Variants in VRK2 observed in about 807,000 individuals in gnomAD.
VRK2 encodes VRK serine/threonine kinase 2, also known as serine/threonine-protein kinase VRK2.
VRK2 carries 60 observed loss-of-function variants against 57.6 expected under a neutral mutation model. That is an observed-to-expected ratio of 1.04 (90% CI 0.85 to 1.29). The LOEUF (loss-of-function observed/expected upper bound fraction) is 1.29. Ranked by LOEUF, VRK2 falls within the 50% of genes most tolerant of loss-of-function variation. The probability of loss-of-function intolerance (pLI) is 0.00; values close to 1 mark genes in which losing one functional copy is unlikely to be tolerated. For synonymous variants in VRK2, 231 were observed against 199.2 expected (o/e 1.16, Z -1.35); for missense variants, 705 against 588.1 (o/e 1.20, Z -2.06).
chr2:58,146,665 T>C (rs1284136069), intron 12 of VRK2, among the ~76,000 whole-genome samples, 191 bp downstream of exon 12: 2 of 151,994 alleles, frequency 1.3e-5, no homozygotes, highest in South Asian at 2.1e-4. Flanking sequence ...AGAAACAGAA[T>C]AGCAGTAAGC....
At chr2:58,117,526 G>A (rs528920713) in intron 7 of VRK2, among the ~76,000 whole-genome samples, 1 of 152,236 alleles carries the variant, frequency 6.6e-6, no homozygotes, top group South Asian at 2.1e-4. Context: ...TTGGGGTTGG[G>A]ACTGAGGGGA....
chr2:58,082,959 A>C (rs976606848), intron 2 of VRK2, among the ~76,000 whole-genome samples: 2 of 151,798 alleles, frequency 1.3e-5, no homozygotes, highest in African/African-American at 4.8e-5. Flanking sequence ...TATATCTAAG[A>C]TGTGAATTAA....
intron 1 of VRK2, among the ~76,000 whole-genome samples, chr2:57,987,261 C>T (rs1271942580): frequency 6.6e-6 from 1 of 152,036 alleles, no homozygotes; most frequent in Non-Finnish European, 1.5e-5. Context: ...AATTATGTAT[C>T]TGATAAAGGA....
chr2:58,075,538 G>A (rs969512868), intron 2 of VRK2, among the ~76,000 whole-genome samples: 17 of 151,998 alleles, frequency 1.1e-4, no homozygotes, highest in Admixed American at 2.0e-4. Context: ...CTGAAACCTC[G>A]CCAACATCTA....
intron 2 of VRK2, among the ~76,000 whole-genome samples, chr2:58,070,606 A>T (rs556341713): frequency 6.6e-6 from 1 of 152,136 alleles, no homozygotes; most frequent in Admixed American, 6.6e-5. Context: ...TTCTTTCACA[A>T]AACTATATGT....
chr2:57,972,432 C>T (rs553490926), intron 1 of VRK2, among the ~76,000 whole-genome samples: 15 of 151,900 alleles, frequency 9.9e-5, no homozygotes, highest in African/African-American at 2.9e-4. Flanking sequence ...AACAGTTACA[C>T]GATAATACCA....
rs746298070 is a variant in VRK2 at position 58,123,125 on chromosome 2, T to G, written c.568T>G (p.Ser190Ala). The G allele has an allele frequency of 7.5e-6, 12 of 1,601,940 alleles. No individual in the cohort carries two copies. In the African/African-American group the frequency reaches 1.5e-4, roughly 20 times the overall value. The stretch of plus-strand genomic sequence containing the variant: ...GGTTTATCTTGCAGATTATGGACTT[T>G]CCTACAGATATTGTCCCAATGGGAA... ...DQVYLADYGL[S>A]YRYCPNGNHK... The change falls in exon 8 of 13, where the codon TCC (serine) becomes GCC (alanine). Residue 190 changes from serine to alanine, a missense_variant. Transcript: ENST00000340157.
intron 1 of VRK2, among the ~76,000 whole-genome samples, chr2:57,919,940 C>T (rs1670285024): frequency 6.6e-6 from 1 of 151,920 alleles, no homozygotes; most frequent in Admixed American, 6.6e-5. Context: ...TCATTCATTC[C>T]TCATTAATAT....
chr2:57,933,132 G>T (rs766608269), intron 1 of VRK2, among the ~76,000 whole-genome samples: 1 of 151,914 alleles, frequency 6.6e-6, no homozygotes, highest in Non-Finnish European at 1.5e-5. Flanking sequence ...TGCCTAAGAA[G>T]AATATGTATT....
At chr2:58,076,298 G>C (rs1318571990) in intron 2 of VRK2, among the ~76,000 whole-genome samples, 1 of 151,832 alleles carries the variant, frequency 6.6e-6, no homozygotes, top group Non-Finnish European at 1.5e-5. Flanking sequence ...AAACATCATA[G>C]TTTACCCTAG....
intron 1 of VRK2, among the ~76,000 whole-genome samples, chr2:57,941,146 G>T (rs568024786): frequency 2.6e-5 from 4 of 152,128 alleles, no homozygotes; most frequent in Non-Finnish European, 2.9e-5. Flanking sequence ...ACACTGAAAT[G>T]CCACAAAGCT....
At chr2:57,970,256 T>C (rs2104019044) in intron 1 of VRK2, among the ~76,000 whole-genome samples, 2 of 150,454 alleles carry the variant, frequency 1.3e-5, no homozygotes, top group South Asian at 4.2e-4. Flanking sequence ...AAAAAGTTCA[T>C]TATATGAGAC....
At chr2:58,050,240 A>G (rs1171702008) in intron 2 of VRK2, among the ~76,000 whole-genome samples, 1 of 152,240 alleles carries the variant, frequency 6.6e-6, no homozygotes, top group Non-Finnish European at 1.5e-5. Context: ...CAACATAAAC[A>G]AATGAAATAT....
intron 1 of VRK2, 104 bp downstream of exon 1, chr2:58,046,972 C>T: frequency 1.0e-6 from 1 of 985,396 alleles, no homozygotes; most frequent in Non-Finnish European, 1.2e-6. Context: ...AGTTAGATGC[C>T]GGGGACTCCG....
At chr2:58,111,208 G>A (rs904486506) in intron 7 of VRK2, among the ~76,000 whole-genome samples, 41 of 152,134 alleles carry the variant, frequency 2.7e-4, no homozygotes, top group South Asian at 2.3e-3. Context: ...AGTGGCTTAC[G>A]TTGTTTGGGA....
intron 7 of VRK2, among the ~76,000 whole-genome samples, chr2:58,121,981 A>T (rs547707046): frequency 6.6e-6 from 1 of 152,318 alleles, no homozygotes; most frequent in Admixed American, 6.5e-5. Flanking sequence ...CTCCAAAAGT[A>T]ATCTGAGGTA....
At chr2:57,975,665 TCCCTACCACCTGTC>T (rs1672228532) in intron 1 of VRK2, among the ~76,000 whole-genome samples, 1 of 151,764 alleles carries the variant, frequency 6.6e-6, no homozygotes, top group Admixed American at 6.6e-5. Context: ...CCTTTCGGAG[TCCCTACCACCTGTC>T]CCCAACCATG....
At chr2:57,933,320 T>C (rs1161137393) in intron 1 of VRK2, among the ~76,000 whole-genome samples, 1 of 135,022 alleles carries the variant, frequency 7.4e-6, no homozygotes, top group Non-Finnish European at 1.6e-5. Context: ...TTTTTTTTTT[T>C]TTTTTTTTTT....
At chr2:58,124,243 G>A (rs1246571980) in intron 8 of VRK2, among the ~76,000 whole-genome samples, 1 of 152,132 alleles carries the variant, frequency 6.6e-6, no homozygotes, top group Non-Finnish European at 1.5e-5. Flanking sequence ...GACCCAGAAA[G>A]CCATGGAAAA....
Sources: allele counts gnomAD v4.1 joint callset (sites outside exome capture counted in the v4.1 genomes callset), GRCh38; gene constraint gnomAD v4.1.1; transcripts MANE v1.5; gene names NCBI Gene and HGNC (gene_info 2026-07-23, HGNC 2026-07-21).